Variants in MOB3B observed in about 807,000 individuals in gnomAD.
The protein encoded by MOB3B is MOB kinase activator-like 2B.
A neutral mutation model predicts 18.7 loss-of-function variants in MOB3B; 7 were observed. The ratio of observed to expected loss-of-function variants is 0.37; its 90% CI spans 0.21 to 0.70. The LOEUF (loss-of-function observed/expected upper bound fraction) is 0.70. Among genes scored for constraint, MOB3B ranks in the 30% least tolerant of loss-of-function variants. MOB3B has a pLI of 0.52. For synonymous variants in MOB3B, 111 were observed against 99.9 expected (o/e 1.11, Z -0.66); for missense variants, 253 against 281.3 (o/e 0.90, Z 0.72).
intron 1 of MOB3B, among the ~76,000 whole-genome samples, chr9:27,469,346 G>C (rs1819436696): frequency 6.6e-6 from 1 of 152,008 alleles, no homozygotes; most frequent in African/African-American, 2.4e-5. Context: ...TGTGACTTTG[G>C]TGTCCATGCC....
intron 3 of MOB3B, among the ~76,000 whole-genome samples, chr9:27,343,104 G>A (rs1214722872): frequency 1.3e-5 from 2 of 151,922 alleles, no homozygotes; most frequent in African/African-American, 2.4e-5. Context: ...AAGTAGACAT[G>A]GGAGACTCCA....
chr9:27,506,029 T>A (rs1006977910), intron 1 of MOB3B, among the ~76,000 whole-genome samples: 1 of 152,218 alleles, frequency 6.6e-6, no homozygotes, highest in Non-Finnish European at 1.5e-5. Context: ...AAACTAAAAC[T>A]CTTTTTCATT....
At chr9:27,420,514 C>CTA (rs1554648470) in intron 2 of MOB3B, among the ~76,000 whole-genome samples, 1 of 122,560 alleles carries the variant, frequency 8.2e-6, no homozygotes, top group Non-Finnish European at 1.6e-5. Context: ...TATATTCCAT[C>CTA]TATATTCCAT....
At chr9:27,348,692 A>C (rs1290253414) in intron 3 of MOB3B, among the ~76,000 whole-genome samples, 1 of 151,964 alleles carries the variant, frequency 6.6e-6, no homozygotes, top group African/African-American at 2.4e-5. Flanking sequence ...ATAGACCTTA[A>C]TTTTCCTTTA....
intron 2 of MOB3B, among the ~76,000 whole-genome samples, chr9:27,433,230 G>A (rs1434044390): frequency 6.6e-6 from 1 of 151,836 alleles, no homozygotes; most frequent in Non-Finnish European, 1.5e-5. Flanking sequence ...TTTTATATAT[G>A]TATGTTTTTA....
intron 2 of MOB3B, among the ~76,000 whole-genome samples, chr9:27,395,538 T>C (rs1327887684): frequency 6.6e-6 from 1 of 152,234 alleles, no homozygotes. Context: ...GTTGCTAGCC[T>C]GCTCACTGAT....
intron 2 of MOB3B, among the ~76,000 whole-genome samples, chr9:27,393,926 T>C (rs1304602962): frequency 2.6e-5 from 4 of 152,178 alleles, no homozygotes; most frequent in African/African-American, 9.7e-5. Context: ...AGAGATCTTA[T>C]TGAACACTCA....
intron 2 of MOB3B, among the ~76,000 whole-genome samples, chr9:27,375,423 T>C (rs1821476425): frequency 6.6e-6 from 1 of 152,220 alleles, no homozygotes; most frequent in African/African-American, 2.4e-5. Context: ...TTTCTCCATA[T>C]GTTCTTTCTT....
At chr9:27,383,755 A>G (rs1043235275) in intron 2 of MOB3B, among the ~76,000 whole-genome samples, 1 of 152,194 alleles carries the variant, frequency 6.6e-6, no homozygotes, top group Non-Finnish European at 1.5e-5. Flanking sequence ...GTGCTAGCAC[A>G]CTGCATTGTT....
intron 3 of MOB3B, chr9:27,358,829 G>A (rs754678351): frequency 2.7e-6 from 2 of 750,540 alleles, no homozygotes; most frequent in South Asian, 1.4e-5. Flanking sequence ...ACCTCTTGGA[G>A]GGTAATCTCG....
At chr9:27,515,974 T>G (rs2131503831) in intron 1 of MOB3B, among the ~76,000 whole-genome samples, 1 of 152,290 alleles carries the variant, frequency 6.6e-6, no homozygotes, top group South Asian at 2.1e-4. Context: ...TAACAAGTAG[T>G]GTGCTGATAA....
At chr9:27,400,577 T>C (rs1821863777) in intron 2 of MOB3B, among the ~76,000 whole-genome samples, 1 of 152,224 alleles carries the variant, frequency 6.6e-6, no homozygotes, top group African/African-American at 2.4e-5. Context: ...CAGAGGAACA[T>C]TTGTATATTT....
chr9:27,379,223 C>T (rs888537262), intron 2 of MOB3B, among the ~76,000 whole-genome samples: 1 of 152,130 alleles, frequency 6.6e-6, no homozygotes, highest in African/African-American at 2.4e-5. Flanking sequence ...ATTCCCAGAC[C>T]CCCTTGTGAT....
intron 2 of MOB3B, among the ~76,000 whole-genome samples, chr9:27,446,074 A>G (rs1197847566): frequency 6.6e-6 from 1 of 152,172 alleles, no homozygotes; most frequent in Non-Finnish European, 1.5e-5. Context: ...TTTAATCACA[A>G]AAGGCCTGAA....
chr9:27,354,479 C>T (rs1300711416), intron 3 of MOB3B, among the ~76,000 whole-genome samples: 1 of 152,182 alleles, frequency 6.6e-6, no homozygotes, highest in East Asian at 1.9e-4. Context: ...GCTTATGATG[C>T]ATCCCTGCTC....
intron 2 of MOB3B, among the ~76,000 whole-genome samples, chr9:27,427,130 A>G (rs1435302647): frequency 1.3e-5 from 2 of 152,194 alleles, no homozygotes; most frequent in Non-Finnish European, 2.9e-5. Flanking sequence ...CTTCCTGCCT[A>G]CCTGCATCAG....
chr9:27,465,578 G>T (rs1819369427), intron 1 of MOB3B, among the ~76,000 whole-genome samples: 1 of 152,184 alleles, frequency 6.6e-6, no homozygotes, highest in Admixed American at 6.5e-5. Context: ...ACTCTGTGTG[G>T]GGGCTCCAAC....
At chr9:27,393,131 T>A (rs989301733) in intron 2 of MOB3B, among the ~76,000 whole-genome samples, 1 of 152,146 alleles carries the variant, frequency 6.6e-6, no homozygotes, top group Non-Finnish European at 1.5e-5. Context: ...CTATCTGAAA[T>A]AGCAGTTCTA....
intron 3 of MOB3B, among the ~76,000 whole-genome samples, chr9:27,334,977 C>T (rs1820843020): frequency 6.6e-6 from 1 of 152,210 alleles, no homozygotes; most frequent in South Asian, 2.1e-4. Flanking sequence ...ATGCCCGCCA[C>T]CACGCCCGGC....
Sources: allele counts gnomAD v4.1 joint callset (sites outside exome capture counted in the v4.1 genomes callset), GRCh38; gene constraint gnomAD v4.1.1; transcripts MANE v1.5; gene names NCBI Gene and HGNC (gene_info 2026-07-23, HGNC 2026-07-21).